TPD52: variants seen among roughly 807,000 people sequenced by gnomAD.
TPD52 encodes prostate and colon associated protein.
TPD52 carries 17 observed loss-of-function variants against 31.3 expected under a neutral mutation model. The ratio of observed to expected loss-of-function variants is 0.54; its 90% CI spans 0.37 to 0.82. TPD52 has a LOEUF of 0.82. TPD52 is among the 40% of genes least tolerant of loss of function. TPD52 has a pLI of 0.00. For synonymous variants in TPD52, 83 were observed against 89.6 expected, an observed-to-expected ratio of 0.93 and a Z score of 0.42; for missense variants, 212 against 240.1, an observed-to-expected ratio of 0.88 and a Z score of 0.77.
chr8:80,120,319 T>C (rs1157621781), intron 1 of TPD52, among the ~76,000 whole-genome samples: 1 of 152,042 alleles, frequency 6.6e-6, no homozygotes, highest in Non-Finnish European at 1.5e-5. Flanking sequence ...CAAAACCCTG[T>C]CTCTACTGAA....
chr8:80,046,128 T>C (rs993787311), intron 5 of TPD52, among the ~76,000 whole-genome samples: 2 of 152,180 alleles, frequency 1.3e-5, no homozygotes, highest in African/African-American at 4.8e-5. Context: ...ATGTACCTAC[T>C]AAATATGTTT....
At chr8:80,116,341 T>C (rs1807860783) in intron 1 of TPD52, among the ~76,000 whole-genome samples, 1 of 152,084 alleles carries the variant, frequency 6.6e-6, no homozygotes, top group Non-Finnish European at 1.5e-5. Context: ...TTGCCAACCA[T>C]ACAGAATAAA....
chr8:80,081,344 C>G (rs1189692106), intron 1 of TPD52, among the ~76,000 whole-genome samples: 1 of 151,984 alleles, frequency 6.6e-6, no homozygotes, highest in Non-Finnish European at 1.5e-5. Context: ...CCACAGCTAG[C>G]TTGTAAAACA....
intron 1 of TPD52, among the ~76,000 whole-genome samples, chr8:80,154,626 A>G (rs1225931889): frequency 6.6e-6 from 1 of 152,144 alleles, no homozygotes; most frequent in Non-Finnish European, 1.5e-5. Context: ...AGAAACTCAA[A>G]TAGCTAAACT....
intron 1 of TPD52, among the ~76,000 whole-genome samples, chr8:80,151,959 C>T (rs1443252998): frequency 2.6e-5 from 4 of 152,086 alleles, no homozygotes; most frequent in East Asian, 1.9e-4. Flanking sequence ...ATGTTAATTG[C>T]GCTTATGTTG....
Position 80,080,251 on chromosome 8 carries a change from C to CA in TPD52, c.20-15659dup, listed in dbSNP as rs1246452169. On this transcript the variant is annotated intron_variant, in intron 1 of 7. Coordinates refer to ENST00000518937, the MANE Select transcript of TPD52 (RefSeq NM_001025253.3). ...TTACACTAACAATTTTAAAGCCAGG[C>CA]AAACCCCAAGTTATGTCTAGGTTTT... 4.0e-6 allele frequency: 6 copies of CA among 1,514,562 alleles called. No homozygotes were observed. In the African/African-American group the frequency reaches 8.3e-5, roughly 21 times the overall value. 93.8% of individuals were successfully genotyped at this position (1,514,562 alleles called of 1,614,324 possible). A position where few individuals can be genotyped will look rare whatever the true frequency, so the allele number is the denominator to read the frequency against.
At chr8:80,081,844 A>G (rs1263121954) in intron 1 of TPD52, among the ~76,000 whole-genome samples, 1 of 152,074 alleles carries the variant, frequency 6.6e-6, no homozygotes, top group Non-Finnish European at 1.5e-5. Context: ...CGCTCTTGTG[A>G]CCAGGCTGGA....
At chr8:80,115,283 G>C (rs1229427545) in intron 1 of TPD52, among the ~76,000 whole-genome samples, 2 of 152,080 alleles carry the variant, frequency 1.3e-5, no homozygotes, top group African/African-American at 2.4e-5. Context: ...GGTCTACAAT[G>C]AATAAAAAAC....
At chr8:80,054,605 G>T (rs1001755575) in intron 2 of TPD52, among the ~76,000 whole-genome samples, 1 of 152,082 alleles carries the variant, frequency 6.6e-6, no homozygotes, top group South Asian at 2.1e-4. Flanking sequence ...TGATTTCAAA[G>T]ACAACATGCC....
intron 1 of TPD52, among the ~76,000 whole-genome samples, chr8:80,132,710 G>T (rs545213575): frequency 1.9e-4 from 29 of 152,314 alleles, no homozygotes; most frequent in African/African-American, 6.7e-4. Context: ...CAGGAGAGGT[G>T]CCAAGAGGGA....
downstream of TPD52, among the ~76,000 whole-genome samples, chr8:80,033,665 G>A (rs1383552484): frequency 1.3e-5 from 2 of 152,144 alleles, no homozygotes; most frequent in Non-Finnish European, 2.9e-5. Context: ...CTGTGTCCAG[G>A]AAGAATGAAG....
intron 1 of TPD52, among the ~76,000 whole-genome samples, chr8:80,123,341 G>C (rs1808386810): frequency 6.6e-6 from 1 of 151,872 alleles, no homozygotes. Flanking sequence ...TTAAATGAGT[G>C]TATGTAGAGG....
At chr8:80,101,408 A>C (rs990898059) in intron 1 of TPD52, among the ~76,000 whole-genome samples, 1 of 150,048 alleles carries the variant, frequency 6.7e-6, no homozygotes, top group African/African-American at 2.4e-5. Context: ...AAACGGCAAC[A>C]CTACAATCCA....
intron 3 of TPD52, chr8:80,052,546 T>C (rs1811474719): frequency 8.0e-6 from 9 of 1,118,108 alleles, no homozygotes; most frequent in East Asian, 1.3e-4. Flanking sequence ...AGTACTGTCA[T>C]GTTAAATGCA....
chr8:80,053,237 T>C lies in TPD52; in HGVS notation c.284+45A>G, dbSNP rs3780008. 11,932 of 1,596,002 alleles carry C rather than the reference T, an allele frequency of 7.5e-3. 226 individuals carry two copies. The highest frequency in any genetic ancestry group is 0.051 in the East Asian group (2,252 of 44,532). On this transcript the variant is annotated intron_variant, in intron 3 of 7. Coordinates refer to ENST00000518937, the MANE Select transcript of TPD52 (RefSeq NM_001025253.3). ...CCTCTCCAGACAAAAGGCACAACAGTGTCCTTTACACTCCCAAGGAAAGTG... is the reference window on the plus strand; with the variant it reads ...CCTCTCCAGACAAAAGGCACAACAGCGTCCTTTACACTCCCAAGGAAAGTG...
intron 1 of TPD52, among the ~76,000 whole-genome samples, chr8:80,140,950 C>CGTGTGTGTGTGT (rs142097159): frequency 0.034 from 4,874 of 143,696 alleles, 121 homozygotes; most frequent in East Asian, 0.045. Context: ...CAATACAACT[C>CGTGTGTGTGTGT]GTGTGTGTGT....
intron 1 of TPD52, among the ~76,000 whole-genome samples, chr8:80,161,425 T>C (rs938255994): frequency 5.9e-5 from 9 of 152,212 alleles, no homozygotes; most frequent in African/African-American, 1.9e-4. Context: ...TTTTGATTGA[T>C]GTATGTGCAA....
chr8:80,128,403 C>A (rs1808779495), intron 1 of TPD52, among the ~76,000 whole-genome samples: 1 of 148,596 alleles, frequency 6.7e-6, no homozygotes, highest in African/African-American at 2.5e-5. Context: ...GCGTATAATC[C>A]CAGCACTTTA....
At chr8:80,094,432 A>T (rs1478885248) in intron 1 of TPD52, among the ~76,000 whole-genome samples, 2 of 5,102 alleles carry the variant, frequency 3.9e-4, no homozygotes, top group South Asian at 8.8e-3. Context: ...AGAAAATTTT[A>T]TATATATATA....
Sources: gnomAD v4.1 joint callset for allele counts (sites outside exome capture counted in the v4.1 genomes callset) on GRCh38, gnomAD v4.1.1 for gene constraint, MANE v1.5 for transcripts, NCBI Gene and HGNC (gene_info 2026-07-23, HGNC 2026-07-21) for gene names.